The following UACA variants were observed in gnomAD, a reference collection of about 807,000 sequenced individuals.
UACA encodes nuclear membrane binding protein.
UACA carries 112 observed loss-of-function variants against 160.5 expected under a neutral mutation model. The ratio of observed to expected loss-of-function variants is 0.70; its 90% confidence interval spans 0.60 to 0.82. UACA has a LOEUF of 0.82. Among genes scored for constraint, UACA ranks in the 40% least tolerant of loss-of-function variants. UACA has a pLI of 0.00. For missense variants in UACA, 1,574 were observed against 1,614.6 expected (o/e 0.97, Z 0.43); for synonymous variants, 557 against 568.4 (o/e 0.98, Z 0.29).
At chr15:70,776,137 A>G in the UACA span, among the ~76,000 whole-genome samples, 46 of 152,340 alleles carry the variant, frequency 3.0e-4, no homozygotes, top group African/African-American at 9.6e-4. Context: ...CCTCCAACAA[A>G]AAAACTAATC....
At chr15:70,761,182 G>A (rs956105394) in intron 1 of UACA, among the ~76,000 whole-genome samples, 1 of 152,138 alleles carries the variant, frequency 6.6e-6, no homozygotes, top group East Asian at 1.9e-4. Context: ...TCTATAAAGG[G>A]TGACTATATT....
chr15:70,707,047 C>G (rs778908203), intron 1 of UACA, among the ~76,000 whole-genome samples: 1 of 152,116 alleles, frequency 6.6e-6, no homozygotes, highest in African/African-American at 2.4e-5. Context: ...TATTATGAAG[C>G]TATAGTAATC....
the UACA span, among the ~76,000 whole-genome samples, chr15:70,774,374 G>T: frequency 1.3e-5 from 2 of 151,872 alleles, no homozygotes; most frequent in African/African-American, 4.8e-5. Flanking sequence ...GTGAAACCCC[G>T]TCTCTACCAA....
At chr15:70,695,892 A>G (rs539772201) in intron 2 of UACA, among the ~76,000 whole-genome samples, 10 of 152,234 alleles carry the variant, frequency 6.6e-5, no homozygotes, top group Non-Finnish European at 1.0e-4. Context: ...TTTGTGTGCA[A>G]TGAGAACTGA....
At chr15:70,663,472 G>C (rs1480987401) in intron 17 of UACA, among the ~76,000 whole-genome samples, 2 of 152,248 alleles carry the variant, frequency 1.3e-5, no homozygotes, top group South Asian at 2.1e-4. Context: ...GGATCTCAAA[G>C]TAGAAATACC....
Position 70,763,298 on chromosome 15 carries a change from G to A in UACA, c.78+32C>T. ...GGAGGGCTGCGCTGCTCCCGGAGCGGAGCGCCTCGCAGCCCGGACCGCGGG... is the reference window on the plus strand; with the variant it reads ...GGAGGGCTGCGCTGCTCCCGGAGCGAAGCGCCTCGCAGCCCGGACCGCGGG... On this transcript the variant is annotated intron_variant, in intron 1 of 18. Transcript: ENST00000322954. 1.5e-6 allele frequency: 2 copies of A among 1,321,730 alleles called. 1 individual carries two copies. Among genetic ancestry groups the A allele is most frequent in the South Asian group, 4.1e-5 (2 of 48,606 alleles). The allele number at this position is 1,321,730 out of a possible 1,614,324, so 81.9% of individuals were successfully genotyped here.
intron 1 of UACA, among the ~76,000 whole-genome samples, chr15:70,711,494 T>A (rs1898680056): frequency 1.2e-5 from 1 of 82,272 alleles, no homozygotes; most frequent in Non-Finnish European, 3.6e-5. Context: ...AAACCATCTC[T>A]ACTAAAAAAA....
chr15:70,686,905 C>T (rs924811052), intron 7 of UACA, among the ~76,000 whole-genome samples: 5 of 152,060 alleles, frequency 3.3e-5, no homozygotes, highest in African/African-American at 1.2e-4. Context: ...CACCATGATA[C>T]ATTAGACCTA....
intron 1 of UACA, among the ~76,000 whole-genome samples, chr15:70,751,127 G>C (rs983170207): frequency 1.3e-4 from 19 of 151,998 alleles, no homozygotes; most frequent in African/African-American, 4.6e-4. Flanking sequence ...CCCCAGACTA[G>C]ATCAGTACCT....
chr15:70,760,248 G>T (rs1354478020), intron 1 of UACA, among the ~76,000 whole-genome samples: 1 of 151,878 alleles, frequency 6.6e-6, no homozygotes, highest in Non-Finnish European at 1.5e-5. Context: ...AAAAAAACTA[G>T]AAGAAAGTTG....
Position 70,668,012 on chromosome 15 carries a change from T to A in UACA, c.2672A>T (p.Glu891Val). Residue 891 changes from glutamate (E) to valine (V), a missense_variant, in exon 16 of 19, where the codon GAA becomes GTA. By Grantham distance (121) the Glu-to-Val change is moderately radical. Coordinates refer to ENST00000322954, the MANE Select transcript of UACA (RefSeq NM_018003.4). ...RELLDVKKKF[E>V]DINQEFVKIK... ...TTTTACAAATTCCTGATTTATATCT[T>A]CAAATTTTTTCTTCACATCTAATAA... is the stretch of plus-strand genomic sequence containing the variant. 1 of 1,604,028 alleles carries A rather than the reference T, an allele frequency of 6.2e-7. No individual in the cohort carries two copies. The highest frequency in any genetic ancestry group is 8.5e-7 in the Non-Finnish European group (1 of 1,176,182).
chr15:70,667,170 T>C lies in UACA; in HGVS notation c.3514A>G (p.Ile1172Val), dbSNP rs371543852. The change falls in exon 16 of 19, where the codon ATT becomes GTT. Residue 1172 changes from isoleucine (I) to valine (V), a missense_variant. By Grantham distance (29) the Ile-to-Val change is conservative (BLOSUM62 3). Transcript: ENST00000322954. The part of the protein sequence containing the change: ...SSVPLAEHLQ[I>V]KEAFEKEVGI... ...ACTTCTTTCTCAAATGCTTCTTTAA[T>C]CTGCAAATGCTCTGCCAGGGGTACA... 2.9e-5 allele frequency: 46 copies of C among 1,613,806 alleles called. No homozygotes were observed. The highest frequency in any genetic ancestry group is 3.7e-5 in the Non-Finnish European group (44 of 1,179,986).
intron 2 of UACA, among the ~76,000 whole-genome samples, chr15:70,698,194 A>C (rs1191582427): frequency 1.3e-5 from 2 of 152,204 alleles, no homozygotes; most frequent in Admixed American, 1.3e-4. Flanking sequence ...CTCAAAATTG[A>C]ACCTTATATC....
chr15:70,665,291 C>G (rs191827601), intron 16 of UACA, among the ~76,000 whole-genome samples: 1 of 152,150 alleles, frequency 6.6e-6, no homozygotes, highest in Non-Finnish European at 1.5e-5. Flanking sequence ...AGAAAAAAAA[C>G]AAGGAGGCTT....
chr15:70,720,087 T>G lies in UACA; in HGVS notation c.79-20427A>C, dbSNP rs769778824. On this transcript the variant is annotated intron_variant, in intron 1 of 18. Coordinates refer to ENST00000322954, the MANE Select transcript of UACA (RefSeq NM_018003.4). The stretch of plus-strand genomic sequence containing the variant: ...TCCCTTTGGTGCTGTTCTCATGAGA[T>G]CTGGTTGTTTAAAGCATGCAGCACC... 3.9e-5 allele frequency among the ~76,000 whole-genome samples: 6 copies of G among 152,002 alleles called. 1 individual carries two copies.
the UACA span, among the ~76,000 whole-genome samples, chr15:70,772,492 CA>C: frequency 0.024 from 1,184 of 49,562 alleles, 4 homozygotes; most frequent in African/African-American, 0.058. Flanking sequence ...GCCTCCATCT[CA>C]AAAAAAAAAA....
At chr15:70,665,717 G>A (rs1286531316) in intron 16 of UACA, among the ~76,000 whole-genome samples, 1 of 152,036 alleles carries the variant, frequency 6.6e-6, no homozygotes, top group African/African-American at 2.4e-5. Context: ...ATATTCATAG[G>A]TACCTTCTGA....
intron 1 of UACA, among the ~76,000 whole-genome samples, chr15:70,727,587 C>G (rs1899186607): frequency 6.6e-6 from 1 of 152,152 alleles, no homozygotes; most frequent in African/African-American, 2.4e-5. Flanking sequence ...AATGCCTCAT[C>G]ATTGTAGAAA....
the UACA span, among the ~76,000 whole-genome samples, chr15:70,776,427 T>C: frequency 1.5e-4 from 15 of 99,722 alleles, 1 homozygote; most frequent in Non-Finnish European, 7.6e-5. Flanking sequence ...TCAAATGTCT[T>C]TTTTTTTTTT....
Sources: allele counts gnomAD v4.1 joint callset (sites outside exome capture counted in the v4.1 genomes callset), GRCh38; gene constraint gnomAD v4.1.1; transcripts MANE v1.5; gene names NCBI Gene and HGNC (gene_info 2026-07-23, HGNC 2026-07-21).